AGK: variants seen among roughly 807,000 people sequenced by gnomAD.
AGK encodes acylglycerol kinase.
AGK carries 52 observed loss-of-function variants against 66.4 expected under a neutral mutation model. That is an observed-to-expected ratio of 0.78 (90% CI 0.63 to 0.99). The LOEUF (loss-of-function observed/expected upper bound fraction) is 0.99, where lower values mean the gene tolerates loss of function less well. Among genes scored for constraint, AGK ranks in the 50% least tolerant of loss-of-function variants. The probability of loss-of-function intolerance (pLI) is 0.00; values close to 1 mark genes in which losing one functional copy is unlikely to be tolerated. For missense variants in AGK, 451 were observed against 506.6 expected (o/e 0.89, Z 1.05); for synonymous variants, 182 against 181.1 (o/e 1.00, Z -0.04).
At chr7:141,564,496 T>TG (rs1272168973) in intron 2 of AGK, among the ~76,000 whole-genome samples, 1 of 152,088 alleles carries the variant, frequency 6.6e-6, no homozygotes, top group Non-Finnish European at 1.5e-5. Context: ...GAGCACAGGG[T>TG]GGAGGTAACC....
At chr7:141,648,915 G>A (rs982063087) in intron 13 of AGK, among the ~76,000 whole-genome samples, 1 of 152,108 alleles carries the variant, frequency 6.6e-6, no homozygotes, top group Admixed American at 6.5e-5. Context: ...GCTGGGATGG[G>A]CTGAAAGCTT....
chr7:141,601,401 GT>G (rs1312700386), intron 5 of AGK, 121 bp downstream of exon 5: 9 of 676,658 alleles, frequency 1.3e-5, no homozygotes, highest in Admixed American at 6.0e-5. Context: ...GTTGTATCCT[GT>G]TCTGACAATT....
Position 141,593,195 on chromosome 7 carries a change from C to T in AGK, c.141+10C>T, listed in dbSNP as rs767447352. ...CTGTCAAGAAGCTCAGGTAATACTA[C>T]TTAATGTGATAAAATTAAGCCCCTC... is the stretch of plus-strand genomic sequence containing the variant. On this transcript the variant is annotated intron_variant, in intron 3 of 15. Coordinates refer to ENST00000649286, the MANE Select transcript of AGK (RefSeq NM_018238.4). The T allele has an allele frequency of 6.2e-6, 10 of 1,611,362 alleles. No individual in the cohort carries two copies. Among genetic ancestry groups the T allele is most frequent in the Non-Finnish European group, 7.6e-6 (9 of 1,178,468 alleles).
At chr7:141,568,439 A>G (rs1263018130) in intron 2 of AGK, among the ~76,000 whole-genome samples, 3 of 152,148 alleles carry the variant, frequency 2.0e-5, no homozygotes, top group South Asian at 2.1e-4. Context: ...CCCTTGGCTG[A>G]GCAGTTAACA....
intron 1 of AGK, among the ~76,000 whole-genome samples, chr7:141,554,491 C>G (rs2116842129): frequency 6.6e-6 from 1 of 151,826 alleles, no homozygotes; most frequent in African/African-American, 2.4e-5. Flanking sequence ...GTTTTTTCCC[C>G]CATCAGTAAA....
At chr7:141,622,321 TA>T (rs1465459566) in intron 9 of AGK, among the ~76,000 whole-genome samples, 3 of 152,202 alleles carry the variant, frequency 2.0e-5, no homozygotes, top group Admixed American at 2.0e-4. Flanking sequence ...TATACAGGCA[TA>T]CCTCATTTTA....
intron 11 of AGK, among the ~76,000 whole-genome samples, chr7:141,637,456 G>C (rs538702264): frequency 1.5e-4 from 23 of 152,194 alleles, no homozygotes; most frequent in Admixed American, 2.6e-4. Flanking sequence ...AGCTAAATAT[G>C]GGCGGTGGTT....
At chr7:141,576,585 AGATACTAGATACTG>A (rs969275157) in intron 2 of AGK, among the ~76,000 whole-genome samples, 3 of 149,352 alleles carry the variant, frequency 2.0e-5, no homozygotes, top group South Asian at 4.4e-4. Context: ...GTGGGATACT[AGATACTAGATACTG>A]GATACTAGAT....
chr7:141,644,396 C>T (rs908244386), intron 13 of AGK, among the ~76,000 whole-genome samples: 4 of 152,114 alleles, frequency 2.6e-5, no homozygotes, highest in Non-Finnish European at 5.9e-5. Context: ...TCATTTGTTT[C>T]GTTTTTGCAC....
At chr7:141,638,660 CTT>C (rs1173205948) in intron 11 of AGK, among the ~76,000 whole-genome samples, 2 of 152,052 alleles carry the variant, frequency 1.3e-5, no homozygotes, top group African/African-American at 2.4e-5. Flanking sequence ...TTAAAGAACT[CTT>C]AAGTTAGAAC....
At chr7:141,585,383 T>C (rs1470289011) in intron 2 of AGK, among the ~76,000 whole-genome samples, 1 of 152,216 alleles carries the variant, frequency 6.6e-6, no homozygotes, top group African/African-American at 2.4e-5. Context: ...TTTGCTCCCA[T>C]TTCTTTCATT....
At chr7:141,636,570 C>T (rs143296172) in intron 10 of AGK, among the ~76,000 whole-genome samples, 11 of 152,244 alleles carry the variant, frequency 7.2e-5, no homozygotes, top group Non-Finnish European at 1.3e-4. Context: ...ACATAGGTTA[C>T]GTGCAAATAT....
chr7:141,604,914 A>G (rs1056550101), intron 5 of AGK, among the ~76,000 whole-genome samples: 1 of 152,058 alleles, frequency 6.6e-6, no homozygotes, highest in Non-Finnish European at 1.5e-5. Flanking sequence ...CTGGGATCAC[A>G]TATTGTATTT....
rs1797494771 is a variant in AGK, at chr7:141,649,296, C to T, written c.1009C>T (p.Pro337Ser). The T allele has an allele frequency of 3.1e-6, 5 of 1,613,600 alleles. No homozygotes were observed. Among genetic ancestry groups the T allele is most frequent in the Non-Finnish European group, 4.2e-6 (5 of 1,179,622 alleles). Reference sequence around the variant, plus strand: ...AGATTTTCTGAATATCTGCATTGAACCTGACACCATCAGCAAAGGAGACTT... The same window carrying T: ...AGATTTTCTGAATATCTGCATTGAATCTGACACCATCAGCAAAGGAGACTT... ...KEDFLNICIE[P>S]DTISKGDFIT... The change falls in exon 14 of 16, where the codon CCT (proline) becomes TCT (serine). Residue 337 changes from proline (P) to serine (S), a missense_variant. By Grantham distance (74) the Pro-to-Ser change is moderately conservative. Transcript: ENST00000649286.
At chr7:141,589,473 G>A (rs1796061592) in intron 2 of AGK, among the ~76,000 whole-genome samples, 1 of 152,098 alleles carries the variant, frequency 6.6e-6, no homozygotes, top group South Asian at 2.1e-4. Flanking sequence ...TTTTCTTTGA[G>A]GATGTGTTTG....
intron 3 of AGK, 73 bp downstream of exon 3, chr7:141,593,258 G>A (rs947472091): frequency 2.9e-6 from 4 of 1,370,580 alleles, no homozygotes; most frequent in Admixed American, 1.7e-5. Context: ...GCTCTTTCAG[G>A]GGACTTGCAC....
At chr7:141,593,564 A>G (rs1796167670) in intron 3 of AGK, 1 of 562,656 alleles carries the variant, frequency 1.8e-6, no homozygotes, top group Non-Finnish European at 3.2e-6. Flanking sequence ...TGTTACCTCT[A>G]AAAGTCAAAT....
intron 2 of AGK, among the ~76,000 whole-genome samples, chr7:141,570,833 CATT>C (rs1446504770): frequency 6.6e-6 from 1 of 152,064 alleles, no homozygotes; most frequent in Non-Finnish European, 1.5e-5. Context: ...ATTGTCTCCA[CATT>C]GTTTTACTGT....
chr7:141,608,542 A>C (rs144690012), intron 5 of AGK, among the ~76,000 whole-genome samples: 78 of 152,232 alleles, frequency 5.1e-4, no homozygotes, highest in African/African-American at 1.8e-3. Flanking sequence ...GGAGGGGAAA[A>C]TGTCAGCTTT....
Sources: allele counts gnomAD v4.1 joint callset (sites outside exome capture counted in the v4.1 genomes callset), GRCh38; gene constraint gnomAD v4.1.1; transcripts MANE v1.5; gene names NCBI Gene and HGNC (gene_info 2026-07-23, HGNC 2026-07-21).